PTPRA: variants seen among roughly 807,000 people sequenced by gnomAD.
PTPRA encodes the protein protein tyrosine phosphatase receptor type A, also known as receptor-type tyrosine-protein phosphatase alpha.
In PTPRA, 25 loss-of-function variants were observed where a neutral mutation model predicts 104.8. The observed-to-expected ratio is 0.24, with a 90% CI of 0.17 to 0.33. The LOEUF (loss-of-function observed/expected upper bound fraction) is 0.33. Ranked by LOEUF, PTPRA falls within the 10% of genes least tolerant of loss-of-function variation. PTPRA has a pLI of 1.00. For synonymous variants in PTPRA, 323 were observed against 368.9 expected, an observed-to-expected ratio of 0.88 and a Z score of 1.43; for missense variants, 765 against 1,015.3, an observed-to-expected ratio of 0.75 and a Z score of 3.35.
chr20:2,989,451 C>T (rs574918585), intron 9 of PTPRA, among the ~76,000 whole-genome samples: 2 of 152,056 alleles, frequency 1.3e-5, no homozygotes, highest in African/African-American at 2.4e-5. Context: ...AGAGCTTCCT[C>T]GAATAAATGA....
intron 1 of PTPRA, among the ~76,000 whole-genome samples, chr20:2,908,425 A>C (rs369420964): frequency 3.3e-5 from 5 of 152,234 alleles, no homozygotes; most frequent in Non-Finnish European, 5.9e-5. Flanking sequence ...GATACAGAAC[A>C]GTGAAATTTT....
intron 1 of PTPRA, among the ~76,000 whole-genome samples, chr20:2,889,811 G>A (rs865851385): frequency 6.6e-6 from 1 of 152,150 alleles, no homozygotes. Context: ...AAGAGATGCT[G>A]TGCCTTTCCT....
intron 3 of PTPRA, among the ~76,000 whole-genome samples, chr20:2,953,968 G>A (rs2061444045): frequency 6.6e-6 from 1 of 150,684 alleles, no homozygotes; most frequent in South Asian, 2.1e-4. Flanking sequence ...TAGTGCAGTG[G>A]CACCATTCGT....
At chr20:2,895,331 C>T (rs890291827) in intron 1 of PTPRA, among the ~76,000 whole-genome samples, 2 of 151,946 alleles carry the variant, frequency 1.3e-5, no homozygotes, top group Non-Finnish European at 2.9e-5. Flanking sequence ...CCACCTCAGC[C>T]TCCCAAAGTG....
At chr20:2,889,026 T>C (rs1284089331) in intron 1 of PTPRA, among the ~76,000 whole-genome samples, 1 of 152,232 alleles carries the variant, frequency 6.6e-6, no homozygotes, top group Admixed American at 6.5e-5. Flanking sequence ...AAGGTTCTAC[T>C]TTGAAGAGGG....
intron 2 of PTPRA, among the ~76,000 whole-genome samples, chr20:2,945,482 A>G (rs2061089734): frequency 6.6e-6 from 1 of 151,826 alleles, no homozygotes. Flanking sequence ...TAATATACCT[A>G]TTATGTGTGG....
chr20:2,875,991 G>A (rs771120587), intron 1 of PTPRA, among the ~76,000 whole-genome samples: 2 of 152,194 alleles, frequency 1.3e-5, no homozygotes, highest in Non-Finnish European at 2.9e-5. Context: ...CTGTCCTTGG[G>A]GAGGAGGGAA....
intron 3 of PTPRA, among the ~76,000 whole-genome samples, chr20:2,958,658 TAA>T (rs71195806): frequency 4.7e-3 from 292 of 62,250 alleles, no homozygotes; most frequent in Non-Finnish European, 7.2e-3. Context: ...CCATCTCTAC[TAA>T]AAAAAAAAAA....
At chr20:2,923,410 T>A in intron 2 of PTPRA, 125 bp downstream of exon 2, 1 of 550,800 alleles carries the variant, frequency 1.8e-6, no homozygotes, top group South Asian at 2.1e-5. Context: ...AGCTTATTTT[T>A]TTATTATTAT....
At chr20:2,946,284 C>T (rs2061128355) in intron 2 of PTPRA, among the ~76,000 whole-genome samples, 1 of 152,090 alleles carries the variant, frequency 6.6e-6, no homozygotes, top group Non-Finnish European at 1.5e-5. Flanking sequence ...CCCCCCAACC[C>T]CCATTTTTCT....
In PTPRA at chr20:3,035,714, A is replaced by G. The variant is rs1371131673; in HGVS notation, c.2046+4A>G. ...CCTCCTGGTCACCAACACCAGGGTA[A>G]GATGGGTCGTGGGTGGACTCTGCCC... On this transcript the variant is annotated splice_donor_region_variant and intron_variant, in intron 21 of 23. Transcript: ENST00000399903. This position sits in a 1 kb window ranked among gnomAD's most constrained non-coding sequence, Gnocchi z 5.8. 1.9e-6 allele frequency: 3 copies of G among 1,614,094 alleles called. No individual in the cohort carries two copies. The highest frequency in any genetic ancestry group is 1.7e-6 in the Non-Finnish European group (2 of 1,180,040).
At chr20:3,030,317 C>T (rs1317354734) in intron 20 of PTPRA, among the ~76,000 whole-genome samples, 1 of 152,102 alleles carries the variant, frequency 6.6e-6, no homozygotes, top group East Asian at 1.9e-4. Context: ...GCCTCTCCCT[C>T]TGCCTTCCAC....
intron 2 of PTPRA, among the ~76,000 whole-genome samples, chr20:2,944,665 A>C (rs1049728167): frequency 1.3e-5 from 2 of 152,238 alleles, no homozygotes; most frequent in African/African-American, 4.8e-5. Context: ...TAGGAGTGGC[A>C]GTGTCTCACT....
intron 10 of PTPRA, among the ~76,000 whole-genome samples, chr20:3,006,658 C>T (rs562099576): frequency 4.6e-5 from 7 of 152,208 alleles, no homozygotes; most frequent in Admixed American, 2.0e-4. Context: ...TTTTCTTTCT[C>T]GCTCTGTCAC....
chr20:2,910,589 G>GTTTTTTTTTTTTTTTTTTTTTTATTTTT (rs1423909050), intron 1 of PTPRA, among the ~76,000 whole-genome samples: 1 of 57,986 alleles, frequency 1.7e-5, no homozygotes, highest in African/African-American at 7.9e-5. Context: ...TTTTTTTTTT[G>GTTTTTTTTTTTTTTTTTTTTTTATTTTT]TTTTTTTTTT....
At chr20:2,963,031 A>G (rs1282138919) in intron 3 of PTPRA, among the ~76,000 whole-genome samples, 1 of 152,190 alleles carries the variant, frequency 6.6e-6, no homozygotes, top group Non-Finnish European at 1.5e-5. Context: ...CTAGCTCAGT[A>G]TAGGGCATAA....
chr20:3,009,329 A>G (rs1339437813), intron 11 of PTPRA, among the ~76,000 whole-genome samples: 2 of 151,972 alleles, frequency 1.3e-5, no homozygotes, highest in African/African-American at 4.8e-5. Context: ...AATGCAGAGG[A>G]CATGTGGTAC....
intron 1 of PTPRA, among the ~76,000 whole-genome samples, chr20:2,906,533 A>T (rs1189114503): frequency 1.3e-5 from 2 of 152,226 alleles, no homozygotes; most frequent in African/African-American, 4.8e-5. Context: ...GAAATTTCTT[A>T]ATTGATTAAA....
In PTPRA at chr20:2,977,291, CAA is replaced by C. The variant is rs60609555; in HGVS notation, c.442+2066_442+2067del. Among the ~76,000 whole-genome samples, 835 of 119,808 alleles carry C rather than the reference CAA, an allele frequency of 7.0e-3. 9 individuals are homozygous for C. The highest frequency in any genetic ancestry group is 0.021 in the African/African-American group (681 of 32,886). The allele number at this position is 119,808 out of a possible 152,430, so 78.6% of individuals were successfully genotyped here. On this transcript the variant is annotated intron_variant, in intron 6 of 23. Coordinates refer to ENST00000399903, the MANE Select transcript of PTPRA (RefSeq NM_001385305.1). Reference sequence around the variant, plus strand: ...TGGGTGACAGAGCAAGACTCTGTCTCAAAAAAAAAAAAAAAAATCAGACTCTT... The same window carrying C: ...TGGGTGACAGAGCAAGACTCTGTCTCAAAAAAAAAAAAAAATCAGACTCTT...
Sources: allele counts gnomAD v4.1 joint callset (sites outside exome capture counted in the v4.1 genomes callset), GRCh38; gene constraint gnomAD v4.1.1; non-coding constraint Gnocchi (gnomAD v3.1); transcripts MANE v1.5; gene names NCBI Gene and HGNC (gene_info 2026-07-23, HGNC 2026-07-21).